Variants in FGF10 observed in about 807,000 individuals in gnomAD.
FGF10 encodes the protein FGF-10.
Under a neutral mutation model 19.8 loss-of-function variants are expected in FGF10, and 2 were observed. The observed-to-expected ratio is 0.10, with a 90% CI of 0.04 to 0.32. FGF10 has a LOEUF of 0.32. Ranked by LOEUF, FGF10 falls within the 10% of genes least tolerant of loss-of-function variation. FGF10 has a pLI of 1.00. For synonymous variants in FGF10, 112 were observed against 94.0 expected (o/e 1.19, Z -1.10); for missense variants, 191 against 246.3 (o/e 0.78, Z 1.50).
chr5:44,306,136 G>T (rs1024846190), intron 2 of FGF10, among the ~76,000 whole-genome samples: 5 of 152,140 alleles, frequency 3.3e-5, no homozygotes, highest in African/African-American at 1.2e-4. Flanking sequence ...AGTGCCTCAC[G>T]CCTGTAATCC....
intron 1 of FGF10, among the ~76,000 whole-genome samples, chr5:44,326,017 T>C (rs1463306122): frequency 6.6e-6 from 1 of 152,172 alleles, no homozygotes; most frequent in African/African-American, 2.4e-5. Context: ...ACATCTATCT[T>C]ATACAAAAAC....
chr5:44,359,020 G>A (rs1579930991), intron 1 of FGF10, among the ~76,000 whole-genome samples: 1 of 151,500 alleles, frequency 6.6e-6, no homozygotes, highest in Non-Finnish European at 1.5e-5. Flanking sequence ...ATACATATAC[G>A]CTTATCCTTG....
intron 1 of FGF10, among the ~76,000 whole-genome samples, chr5:44,375,271 C>T (rs762066165): frequency 6.6e-6 from 1 of 152,134 alleles, no homozygotes; most frequent in Non-Finnish European, 1.5e-5. Context: ...AAACAGTCAA[C>T]TAATCAAGTG....
chr5:44,373,363 C>G (rs1316295713), intron 1 of FGF10, among the ~76,000 whole-genome samples: 1 of 152,140 alleles, frequency 6.6e-6, no homozygotes, highest in African/African-American at 2.4e-5. Context: ...CTTTTGCAAT[C>G]TGGATAGGCT....
At chr5:44,316,706 C>T (rs1740360180) in intron 1 of FGF10, among the ~76,000 whole-genome samples, 1 of 152,098 alleles carries the variant, frequency 6.6e-6, no homozygotes, top group Non-Finnish European at 1.5e-5. Context: ...AAATTTTAAA[C>T]AATGTGGAAA....
chr5:44,364,524 G>T (rs894943722), intron 1 of FGF10, among the ~76,000 whole-genome samples: 1 of 151,832 alleles, frequency 6.6e-6, no homozygotes, highest in African/African-American at 2.4e-5. Context: ...CCCAGGGCAG[G>T]CTCCTACCAC....
intron 1 of FGF10, among the ~76,000 whole-genome samples, chr5:44,328,295 C>T (rs543519815): frequency 6.6e-6 from 1 of 152,132 alleles, no homozygotes; most frequent in Non-Finnish European, 1.5e-5. Context: ...CTTTAGGTAG[C>T]AAATTTGCTG....
intron 1 of FGF10, among the ~76,000 whole-genome samples, chr5:44,331,174 C>T (rs948703138): frequency 2.0e-5 from 3 of 152,026 alleles, no homozygotes; most frequent in Non-Finnish European, 4.4e-5. Flanking sequence ...AAGCCTCTTC[C>T]TTTTGTCCAG....
intron 1 of FGF10, among the ~76,000 whole-genome samples, chr5:44,385,571 A>G (rs999588876): frequency 3.3e-5 from 5 of 152,144 alleles, no homozygotes; most frequent in Non-Finnish European, 7.4e-5. Context: ...AAATAAGCAA[A>G]CCTCAAAAGA....
chr5:44,316,239 G>A (rs932575799), intron 1 of FGF10, among the ~76,000 whole-genome samples: 10 of 152,050 alleles, frequency 6.6e-5, no homozygotes, highest in East Asian at 1.9e-4. Context: ...ATTCCCTTTC[G>A]TGTAAAAAAT....
chr5:44,336,318 A>G (rs1740849458), intron 1 of FGF10, among the ~76,000 whole-genome samples: 1 of 152,034 alleles, frequency 6.6e-6, no homozygotes, highest in Non-Finnish European at 1.5e-5. Context: ...AATTTCTTTC[A>G]TGGTATTTAA....
At chr5:44,380,937 G>A (rs1489168847) in intron 1 of FGF10, among the ~76,000 whole-genome samples, 5 of 152,186 alleles carry the variant, frequency 3.3e-5, no homozygotes, top group African/African-American at 1.2e-4. Flanking sequence ...CTGTGATCAT[G>A]AGTGAGACCC....
intron 1 of FGF10, among the ~76,000 whole-genome samples, chr5:44,374,149 G>T (rs1010486562): frequency 6.6e-6 from 1 of 152,110 alleles, no homozygotes; most frequent in African/African-American, 2.4e-5. Context: ...CTTGGCTCAT[G>T]ACTCCTTTGT....
chr5:44,382,256 C>A (rs564444350), intron 1 of FGF10, among the ~76,000 whole-genome samples: 1 of 152,036 alleles, frequency 6.6e-6, no homozygotes. Context: ...TAGAACACAG[C>A]GTTCAAAGAA....
chr5:44,366,640 G>A (rs1741620706), intron 1 of FGF10, among the ~76,000 whole-genome samples: 1 of 151,976 alleles, frequency 6.6e-6, no homozygotes, highest in African/African-American at 2.4e-5. Flanking sequence ...CATATGATTT[G>A]TGAATATCAA....
chr5:44,373,812 G>T (rs1478278536), intron 1 of FGF10, among the ~76,000 whole-genome samples: 1 of 152,082 alleles, frequency 6.6e-6, no homozygotes, highest in Non-Finnish European at 1.5e-5. Context: ...ACAGAAGTCT[G>T]TTTAAAGAAA....
intron 2 of FGF10, among the ~76,000 whole-genome samples, chr5:44,307,190 T>C (rs982095172): frequency 1.3e-4 from 20 of 152,200 alleles, no homozygotes; most frequent in Non-Finnish European, 2.9e-5. Context: ...AGCCTTTTTA[T>C]TTCAGATGTT....
chr5:44,324,106 G>A (rs1461763342), intron 1 of FGF10, among the ~76,000 whole-genome samples: 5 of 151,814 alleles, frequency 3.3e-5, no homozygotes, highest in African/African-American at 1.2e-4. Context: ...CATTATTTAA[G>A]AATAGATGAT....
chr5:44,306,826 GA>G (rs1374432453), intron 2 of FGF10, among the ~76,000 whole-genome samples: 6 of 152,106 alleles, frequency 3.9e-5, no homozygotes, highest in Admixed American at 3.9e-4. Flanking sequence ...CTGAAAGTAA[GA>G]AGGAAAGGTA....
Sources: gnomAD v4.1 joint callset for allele counts (sites outside exome capture counted in the v4.1 genomes callset) on GRCh38, gnomAD v4.1.1 for gene constraint, MANE v1.5 for transcripts, NCBI Gene and HGNC (gene_info 2026-07-23, HGNC 2026-07-21) for gene names.